Variants in PEX14 observed in about 807,000 individuals in gnomAD.
The protein encoded by PEX14 is peroxisomal biogenesis factor 14, also known as peroxisomal membrane protein PEX14.
PEX14 carries 15 observed loss-of-function variants against 49.5 expected under a neutral mutation model. That is an observed-to-expected ratio of 0.30 (90% CI 0.20 to 0.47). The LOEUF is 0.47. Ranked by LOEUF, PEX14 falls within the 20% of genes least tolerant of loss-of-function variation. The pLI is 1.00. For synonymous variants in PEX14, 210 were observed against 212.7 expected, an observed-to-expected ratio of 0.99 and a Z score of 0.11; for missense variants, 398 against 494.8, an observed-to-expected ratio of 0.80 and a Z score of 1.86.
intron 4 of PEX14, among the ~76,000 whole-genome samples, chr1:10,599,796 A>G (rs1044214414): frequency 6.6e-6 from 1 of 152,114 alleles, no homozygotes; most frequent in African/African-American, 2.4e-5. Flanking sequence ...AATATTTGTA[A>G]GTTTAGGTCA....
intron 3 of PEX14, among the ~76,000 whole-genome samples, chr1:10,577,562 ATTTTTTTTTTTTTTTTTT>A (rs1164876121): frequency 2.1e-3 from 13 of 6,156 alleles, no homozygotes; most frequent in Admixed American, 3.7e-3. Context: ...ATATATATAT[ATTTTTTTTTTTTTTTTTT>A]TTTTTTTTTT....
intron 7 of PEX14, among the ~76,000 whole-genome samples, chr1:10,625,852 G>A (rs1641729954): frequency 6.6e-6 from 1 of 152,212 alleles, no homozygotes; most frequent in Admixed American, 6.5e-5. Flanking sequence ...GGTGAGAGGG[G>A]TTGGGCCCCT....
At chr1:10,524,923 TC>T (rs1327385262) in intron 2 of PEX14, among the ~76,000 whole-genome samples, 1 of 152,364 alleles carries the variant, frequency 6.6e-6, no homozygotes, top group East Asian at 1.9e-4. Context: ...ACTCTTGGCC[TC>T]CAGCCATCCT....
chr1:10,520,978 C>T (rs77528961), intron 2 of PEX14, among the ~76,000 whole-genome samples: 2 of 141,008 alleles, frequency 1.4e-5, no homozygotes, highest in Non-Finnish European at 3.1e-5. Context: ...TTGCCGTTGT[C>T]TTTTTTTTTT....
chr1:10,593,875 T>C (rs1640746626), intron 3 of PEX14, among the ~76,000 whole-genome samples: 1 of 152,196 alleles, frequency 6.6e-6, no homozygotes, highest in African/African-American at 2.4e-5. Flanking sequence ...CCGTCGTAAT[T>C]TCATGCCCCA....
rs530299465 is a variant in PEX14 at position 10,599,517 on chromosome 1, C to A, written c.298+151C>A. The A allele has an allele frequency of 1.2e-4, 107 of 858,834 alleles. No individual in the cohort carries two copies. In the African/African-American group the frequency reaches 1.7e-3, roughly 13 times the overall value. 53.2% of individuals were successfully genotyped at this position (858,834 alleles called of 1,614,324 possible). A position where few individuals can be genotyped will look rare whatever the true frequency, so the allele number is the denominator to read the frequency against. On this transcript the variant is annotated intron_variant, in intron 4 of 8. Transcript: ENST00000356607. ...GGTTTTTCCCAAGGAATGTGACACA[C>A]CCCAGTCTTCTAGACAAACTTTTTA...
In PEX14 at chr1:10,494,977, C is replaced by T. The variant is rs1641533319; in HGVS notation, c.37-297C>T. 1 of 330,018 alleles carries T rather than the reference C, an allele frequency of 3.0e-6. No individual in the cohort carries two copies. Among genetic ancestry groups the T allele is most frequent in the South Asian group, 1.2e-4 (1 of 8,324 alleles). 20.4% of individuals were successfully genotyped at this position (330,018 alleles called of 1,614,324 possible). ...TTCCCGTGGATTTTGGGATGGTCCC[C>T]AGCCCTTGCTGCTCAGTAGGTGATC... On this transcript the variant is annotated intron_variant, in intron 1 of 8. Coordinates refer to ENST00000356607, the MANE Select transcript of PEX14 (RefSeq NM_004565.3). This position sits in a 1 kb window ranked among gnomAD's most constrained non-coding sequence, Gnocchi z 4.3.
intron 3 of PEX14, among the ~76,000 whole-genome samples, chr1:10,593,725 C>T (rs1640740481): frequency 6.6e-6 from 1 of 152,114 alleles, no homozygotes; most frequent in African/African-American, 2.4e-5. Context: ...TGGGGGAGGC[C>T]CCATAAACAA....
chr1:10,619,153 G>C (rs543178484), intron 5 of PEX14, among the ~76,000 whole-genome samples: 3 of 152,104 alleles, frequency 2.0e-5, no homozygotes, highest in Non-Finnish European at 4.4e-5. Context: ...CAGGCATGAC[G>C]TGAACATTGA....
In PEX14 at chr1:10,599,348, C is replaced by T; in HGVS notation, c.280C>T (p.Leu94Phe). The T allele has an allele frequency of 6.2e-7, 1 of 1,614,180 alleles. No individual in the cohort carries two copies. Among genetic ancestry groups the T allele is most frequent in the Non-Finnish European group, 8.5e-7 (1 of 1,180,030 alleles). ...TQVVPVQPPH[L>F]ISQPYSPAGS... ...GGTGGTTCCTGTCCAGCCCCCTCAC[C>T]TCATATCTCAGCCATACAGTAAGTC... Residue 94 changes from leucine (L) to phenylalanine (F), a missense_variant, in exon 4 of 9, where the codon CTC (leucine) becomes TTC (phenylalanine). By Grantham distance (22) the Leu-to-Phe change is conservative. Coordinates refer to ENST00000356607, the MANE Select transcript of PEX14 (RefSeq NM_004565.3).
rs756523143 is a variant in PEX14 at position 10,618,344 on chromosome 1, C to T, written c.311C>T (p.Ser104Phe). The change falls in exon 5 of 9, where the codon TCC becomes TTC. Residue 104 changes from serine to phenylalanine, a missense_variant. Coordinates refer to ENST00000356607, the MANE Select transcript of PEX14 (RefSeq NM_004565.3). ...TTCCCGCCTGTAGGTCCCGCAGGCT[C>T]CCGATGGCGAGATTACGGCGCCCTG... is the stretch of plus-strand genomic sequence containing the variant. ...LISQPYSPAG[S>F]RWRDYGALAI... The T allele has an allele frequency of 5.0e-6, 8 of 1,613,880 alleles. No individual in the cohort carries two copies. Among genetic ancestry groups the T allele is most frequent in the East Asian group, 2.2e-5 (1 of 44,884 alleles).
In PEX14 at chr1:10,629,948, G is replaced by A; in HGVS notation, c.1095G>A (p.Arg365=). ...TCAACGAGCAGGTGGAGAAGCTGCGGCGGCCCGAGGGCGCCAGCAACGAGA... is the reference window on the plus strand; with the variant it reads ...TCAACGAGCAGGTGGAGAAGCTGCGACGGCCCGAGGGCGCCAGCAACGAGA... The part of the protein sequence containing the change: ...GQINEQVEKL[R]RPEGASNESE... Residue 365 remains arginine, a synonymous_variant, in exon 9 of 9, where the codon CGG becomes CGA. Transcript: ENST00000356607. The surrounding 1 kb of genome is among the most constrained non-coding windows in gnomAD (Gnocchi z 8.5). 1.2e-6 allele frequency: 2 copies of A among 1,611,700 alleles called. No individual in the cohort carries two copies. Among genetic ancestry groups the A allele is most frequent in the Non-Finnish European group, 1.7e-6 (2 of 1,179,700 alleles).
chr1:10,487,184 A>G (rs1641384800), intron 1 of PEX14, among the ~76,000 whole-genome samples: 1 of 152,184 alleles, frequency 6.6e-6, no homozygotes, highest in African/African-American at 2.4e-5. Context: ...CTTTTTATAT[A>G]TAGCTGGACT....
chr1:10,525,728 C>T (rs747373679), intron 2 of PEX14, among the ~76,000 whole-genome samples: 4 of 151,934 alleles, frequency 2.6e-5, no homozygotes, highest in Non-Finnish European at 5.9e-5. Flanking sequence ...TGGGTTCAAG[C>T]GATTCTCTCA....
Position 10,514,156 on chromosome 1 carries a change from C to CTGTGTGTGTG in PEX14, c.84+18869_84+18878dup, listed in dbSNP as rs56306413. Among the ~76,000 whole-genome samples, 191 of 143,260 alleles carry CTGTGTGTGTG rather than the reference C, an allele frequency of 1.3e-3. 2 individuals are homozygous for CTGTGTGTGTG. The highest frequency in any genetic ancestry group is 4.2e-3 in the East Asian group (20 of 4,802). The allele number at this position is 143,260 out of a possible 152,430, so 94.0% of individuals were successfully genotyped here. A position where few individuals can be genotyped will look rare whatever the true frequency, so the allele number is the denominator to read the frequency against. On this transcript the variant is annotated intron_variant, in intron 2 of 8. Transcript: ENST00000356607. The surrounding 1 kb of genome is among the most constrained non-coding windows in gnomAD (Gnocchi z 4.4). ...AAAATGTATAAAATAATCTATGCCTCTGTGTGTGTGTGTGTGTGTGTGTGT... is the reference window on the plus strand; with the variant it reads ...AAAATGTATAAAATAATCTATGCCTCTGTGTGTGTGTGTGTGTGTGTGTGTGTGTGTGTGT...
At chr1:10,569,500 T>G (rs1008567110) in intron 3 of PEX14, among the ~76,000 whole-genome samples, 7 of 152,320 alleles carry the variant, frequency 4.6e-5, no homozygotes, top group Admixed American at 1.3e-4. Context: ...TTGTCAGCCT[T>G]TCCCGATGAC....
At chr1:10,568,055 T>C (rs577718032) in intron 3 of PEX14, among the ~76,000 whole-genome samples, 1 of 152,222 alleles carries the variant, frequency 6.6e-6, no homozygotes, top group Non-Finnish European at 1.5e-5. Flanking sequence ...TAGATACTTA[T>C]ATTGTTTATG....
At chr1:10,492,748 T>C (rs976113676) in intron 1 of PEX14, among the ~76,000 whole-genome samples, 20 of 152,216 alleles carry the variant, frequency 1.3e-4, no homozygotes, top group Non-Finnish European at 5.9e-5. Flanking sequence ...AAATTTCTAT[T>C]GAAGGCCTCC....
At position 10,567,942 on chromosome 1, in the gene PEX14, C is replaced by T. The variant is rs1054344196; in HGVS notation, c.170-31296C>T. On this transcript the variant is annotated intron_variant, in intron 3 of 8. Transcript: ENST00000356607. The stretch of plus-strand genomic sequence containing the variant: ...ACTGCACCCAGCCATGTATCTTTTT[C>T]GTTACTACTTTGAATGGGATGTATT... Among the ~76,000 whole-genome samples, 6 of 152,110 alleles carry T rather than the reference C, an allele frequency of 3.9e-5. No homozygotes were observed. The East Asian group carries it at 9.6e-4, about 24-fold the overall frequency.
Sources: gnomAD v4.1 joint callset for allele counts (sites outside exome capture counted in the v4.1 genomes callset) on GRCh38, gnomAD v4.1.1 for gene constraint, Gnocchi (gnomAD v3.1) non-coding constraint, MANE v1.5 for transcripts, NCBI Gene and HGNC (gene_info 2026-07-23, HGNC 2026-07-21) for gene names.